The following MCUB variants were observed in gnomAD, a reference collection of about 807,000 sequenced individuals.
The protein encoded by MCUB is mitochondrial calcium uniporter dominant negative subunit beta.
MCUB carries 46 observed loss-of-function variants against 41.4 expected under a neutral mutation model. That is an observed-to-expected ratio of 1.11 (90% CI 0.88 to 1.42). The LOEUF (loss-of-function observed/expected upper bound fraction) is 1.42. MCUB is among the 40% of genes most tolerant of loss of function. The pLI, the probability that MCUB is intolerant of heterozygous loss-of-function variation, is 0.00. For missense variants in MCUB, 403 were observed against 404.9 expected, an observed-to-expected ratio of 1.00 and a Z score of 0.04; for synonymous variants, 148 against 148.2, an observed-to-expected ratio of 1.00 and a Z score of 0.01.
At chr4:109,580,997 A>G (rs1031948736) in intron 1 of MCUB, among the ~76,000 whole-genome samples, 3 of 152,204 alleles carry the variant, frequency 2.0e-5, no homozygotes, top group Admixed American at 6.5e-5. Flanking sequence ...TCAATCTACC[A>G]ATGACTTTCT....
At chr4:109,630,450 A>C (rs2126137868) in intron 1 of MCUB, among the ~76,000 whole-genome samples, 1 of 152,266 alleles carries the variant, frequency 6.6e-6, no homozygotes, top group African/African-American at 2.4e-5. Flanking sequence ...TGACACAGTG[A>C]GACCCCATCT....
chr4:109,576,079 C>T (rs1452049231), intron 1 of MCUB, among the ~76,000 whole-genome samples: 1 of 152,174 alleles, frequency 6.6e-6, no homozygotes, highest in East Asian at 1.9e-4. Flanking sequence ...CCATTTTCTA[C>T]CATGTGGACC....
At chr4:109,665,633 A>G (rs954391343) in intron 4 of MCUB, among the ~76,000 whole-genome samples, 3 of 152,136 alleles carry the variant, frequency 2.0e-5, no homozygotes, top group Non-Finnish European at 4.4e-5. Flanking sequence ...TGCTGTGTAA[A>G]TGGTTGTTAT....
chr4:109,620,814 T>C (rs1412476108), intron 1 of MCUB, among the ~76,000 whole-genome samples: 1 of 152,152 alleles, frequency 6.6e-6, no homozygotes, highest in East Asian at 1.9e-4. Flanking sequence ...GAGGCAACTT[T>C]ATCCCTACTT....
At chr4:109,667,234 G>C (rs1238692376) in intron 4 of MCUB, among the ~76,000 whole-genome samples, 1 of 151,982 alleles carries the variant, frequency 6.6e-6, no homozygotes, top group Non-Finnish European at 1.5e-5. Context: ...TTTCTGTTTT[G>C]GAAATTTATT....
At position 109,684,431 on chromosome 4, in the gene MCUB, A is replaced by C. The variant is rs759927967; in HGVS notation, c.613-12A>C. 2 of 1,589,244 alleles carry C rather than the reference A, an allele frequency of 1.3e-6. No individual in the cohort carries two copies. The highest frequency in any genetic ancestry group is 2.3e-5 in the South Asian group (2 of 87,522). On this transcript the variant is annotated splice_polypyrimidine_tract_variant and intron_variant, in intron 5 of 7. Coordinates refer to ENST00000394650, the MANE Select transcript of MCUB (RefSeq NM_017918.5). Reference sequence around the variant, plus strand: ...TTGTAAACAGAATTAACAGTTTTTCATTCCCCCTCAGGTGAAAGCTGGAAT... The same window carrying C: ...TTGTAAACAGAATTAACAGTTTTTCCTTCCCCCTCAGGTGAAAGCTGGAAT...
chr4:109,648,314 GC>G (rs2126141951), intron 1 of MCUB, among the ~76,000 whole-genome samples: 1 of 152,282 alleles, frequency 6.6e-6, no homozygotes, highest in African/African-American at 2.4e-5. Flanking sequence ...TGACTTAAAT[GC>G]CTGGTTCTCA....
intron 1 of MCUB, among the ~76,000 whole-genome samples, chr4:109,623,513 C>T (rs138087939): frequency 8.5e-5 from 13 of 152,172 alleles, no homozygotes; most frequent in African/African-American, 2.2e-4. Flanking sequence ...GAGCTGTACA[C>T]GATAATTGTG....
intron 1 of MCUB, among the ~76,000 whole-genome samples, chr4:109,564,709 C>T (rs904031425): frequency 6.6e-6 from 1 of 152,106 alleles, no homozygotes; most frequent in African/African-American, 2.4e-5. Flanking sequence ...AAGTTTATGA[C>T]ACAGGAAACT....
At chr4:109,597,684 G>C (rs1727604790) in intron 1 of MCUB, among the ~76,000 whole-genome samples, 1 of 138,660 alleles carries the variant, frequency 7.2e-6, no homozygotes, top group African/African-American at 2.8e-5. Flanking sequence ...CGGGCGGGGG[G>C]CTGACCCCCC....
intron 4 of MCUB, among the ~76,000 whole-genome samples, chr4:109,678,893 A>T (rs1056565818): frequency 7.2e-6 from 1 of 139,068 alleles, no homozygotes; most frequent in Non-Finnish European, 1.5e-5. Flanking sequence ...CCCACTTCCC[A>T]GACGGGGTGG....
chr4:109,650,296 T>C (rs1728933704), intron 1 of MCUB, among the ~76,000 whole-genome samples: 1 of 152,224 alleles, frequency 6.6e-6, no homozygotes, highest in African/African-American at 2.4e-5. Context: ...TTGGGGTTTC[T>C]AAATAAAAAC....
At chr4:109,623,033 G>A (rs1255393234) in intron 1 of MCUB, among the ~76,000 whole-genome samples, 1 of 152,160 alleles carries the variant, frequency 6.6e-6, no homozygotes, top group African/African-American at 2.4e-5. Flanking sequence ...GAGAAGAAGA[G>A]GAAGGCAATT....
intron 4 of MCUB, among the ~76,000 whole-genome samples, chr4:109,677,957 C>G (rs1166369929): frequency 6.6e-6 from 1 of 151,532 alleles, no homozygotes; most frequent in African/African-American, 2.4e-5. Context: ...AGGCAGAGGT[C>G]CCTGCGGCCT....
rs117934350 is a variant in MCUB, at chr4:109,624,234, T to G, written c.100-34777T>G. Among the ~76,000 whole-genome samples the G allele has an allele frequency of 5.9e-5, 9 of 152,320 alleles. No homozygotes were observed. The East Asian group carries it at 1.7e-3, about 29-fold the overall frequency. On this transcript the variant is annotated intron_variant, in intron 1 of 7. Transcript: ENST00000394650. ...TGACATGCATTCTTATGGAAAGTTA[T>G]GAGTTTGCTGCCAAACACAACCACA...
intron 1 of MCUB, among the ~76,000 whole-genome samples, chr4:109,561,371 T>G (rs1726631416): frequency 6.6e-6 from 1 of 152,182 alleles, no homozygotes; most frequent in Non-Finnish European, 1.5e-5. Context: ...TTTGTTCTTT[T>G]TTTTCCTTCC....
At chr4:109,675,056 T>C (rs187894204) in intron 4 of MCUB, among the ~76,000 whole-genome samples, 213 of 152,316 alleles carry the variant, frequency 1.4e-3, no homozygotes, top group African/African-American at 4.9e-3. Flanking sequence ...GATAACATGG[T>C]ATATGTATTG....
chr4:109,567,977 G>T (rs186441024), intron 1 of MCUB, among the ~76,000 whole-genome samples: 31 of 152,150 alleles, frequency 2.0e-4, no homozygotes, highest in Non-Finnish European at 4.3e-4. Context: ...GGGATTACAG[G>T]TGTGGGCCAC....
intron 1 of MCUB, among the ~76,000 whole-genome samples, chr4:109,606,106 C>G (rs979819682): frequency 6.6e-6 from 1 of 152,172 alleles, no homozygotes; most frequent in Non-Finnish European, 1.5e-5. Context: ...TACTAAGTAG[C>G]TGGGACTACA....
Sources: allele counts gnomAD v4.1 joint callset (sites outside exome capture counted in the v4.1 genomes callset), GRCh38; gene constraint gnomAD v4.1.1; transcripts MANE v1.5; gene names NCBI Gene and HGNC (gene_info 2026-07-23, HGNC 2026-07-21).